The following VAV3 variants were observed in gnomAD, a reference collection of about 807,000 sequenced individuals.
The protein encoded by VAV3 is guanine nucleotide exchange factor VAV3.
A neutral mutation model predicts 131.2 loss-of-function variants in VAV3; 94 were observed. That is an observed-to-expected ratio of 0.72 (90% confidence interval 0.61 to 0.85). The LOEUF (loss-of-function observed/expected upper bound fraction) is 0.85. Ranked by LOEUF, VAV3 falls within the 40% of genes least tolerant of loss-of-function variation. The probability of loss-of-function intolerance (pLI) is 0.00; values close to 1 mark genes in which losing one functional copy is unlikely to be tolerated. For missense variants in VAV3, 939 were observed against 1,002.7 expected (o/e 0.94, Z 0.86); for synonymous variants, 349 against 342.0 (o/e 1.02, Z -0.22).
intron 2 of VAV3, among the ~76,000 whole-genome samples, chr1:107,872,067 G>A (rs1670278315): frequency 6.6e-6 from 1 of 151,828 alleles, no homozygotes; most frequent in African/African-American, 2.4e-5. Context: ...CCTTTTCCCT[G>A]ACCATCCACA....
chr1:107,625,537 G>A (rs920862814), intron 20 of VAV3, among the ~76,000 whole-genome samples: 2 of 152,106 alleles, frequency 1.3e-5, no homozygotes, highest in African/African-American at 4.8e-5. Flanking sequence ...AAAGTGTTGG[G>A]ATTACAGGCA....
At chr1:107,620,482 G>T (rs1423630863) in intron 20 of VAV3, among the ~76,000 whole-genome samples, 1 of 152,062 alleles carries the variant, frequency 6.6e-6, no homozygotes, top group Non-Finnish European at 1.5e-5. Flanking sequence ...TATACACGTA[G>T]CCTAGGTGTG....
At chr1:107,595,563 G>C (rs1439909438) in intron 25 of VAV3, among the ~76,000 whole-genome samples, 2 of 151,870 alleles carry the variant, frequency 1.3e-5, no homozygotes, top group Non-Finnish European at 2.9e-5. Flanking sequence ...CAATTTTTTT[G>C]TTACATGCTC....
chr1:107,854,591 T>C (rs1199265710), intron 2 of VAV3, among the ~76,000 whole-genome samples: 1 of 152,230 alleles, frequency 6.6e-6, no homozygotes, highest in Non-Finnish European at 1.5e-5. Flanking sequence ...CATCTCCTGC[T>C]ACTTCCACTC....
chr1:107,659,741 C>T (rs1372803966), intron 19 of VAV3, among the ~76,000 whole-genome samples: 9 of 152,142 alleles, frequency 5.9e-5, no homozygotes, highest in East Asian at 3.9e-4. Context: ...TAAGGATATG[C>T]TGTTACCCGC....
chr1:107,922,899 C>G (rs1339472523), intron 1 of VAV3, among the ~76,000 whole-genome samples: 1 of 150,932 alleles, frequency 6.6e-6, no homozygotes, highest in Non-Finnish European at 1.5e-5. Context: ...TTGCAGTGAG[C>G]CGAGATCGCG....
At chr1:107,787,230 C>T (rs1386822156) in intron 2 of VAV3, among the ~76,000 whole-genome samples, 2 of 152,206 alleles carry the variant, frequency 1.3e-5, no homozygotes, top group Non-Finnish European at 2.9e-5. Flanking sequence ...CTTCACTACC[C>T]TTTCTATAAG....
chr1:107,574,439 CTCAA>C (rs1305576657), intron 25 of VAV3, among the ~76,000 whole-genome samples: 15 of 151,990 alleles, frequency 9.9e-5, no homozygotes, highest in Admixed American at 2.6e-4. Context: ...TCATAAGAAC[CTCAA>C]TCAAAGTAAG....
intron 25 of VAV3, among the ~76,000 whole-genome samples, chr1:107,586,861 C>T (rs1383072139): frequency 6.6e-6 from 1 of 151,942 alleles, no homozygotes; most frequent in African/African-American, 2.4e-5. Flanking sequence ...GAACTAATCA[C>T]AGTAAATAGC....
chr1:107,820,647 T>TC (rs1667759555), intron 2 of VAV3: 1 of 152,086 alleles, frequency 6.6e-6, no homozygotes, highest in Non-Finnish European at 1.5e-5. Context: ...AAATGATAAA[T>TC]ATTTGAGTCG....
chr1:107,613,002 AGTTTT>A (rs1652870110), intron 21 of VAV3, among the ~76,000 whole-genome samples: 1 of 152,114 alleles, frequency 6.6e-6, no homozygotes, highest in African/African-American at 2.4e-5. Context: ...GCCTTCAGAT[AGTTTT>A]GTTTTGATAT....
chr1:107,923,417 C>T (rs1012792431), intron 1 of VAV3, among the ~76,000 whole-genome samples: 6 of 151,962 alleles, frequency 3.9e-5, no homozygotes, highest in Admixed American at 1.3e-4. Context: ...TTAGGTCATA[C>T]GAACAGAGCC....
intron 2 of VAV3, among the ~76,000 whole-genome samples, chr1:107,804,704 G>T (rs1430909945): frequency 6.6e-6 from 1 of 152,072 alleles, no homozygotes; most frequent in Non-Finnish European, 1.5e-5. Context: ...AAAGTATTCT[G>T]GGGCTGTATC....
chr1:107,664,877 A>G (rs1021271111), intron 19 of VAV3, among the ~76,000 whole-genome samples: 1 of 152,240 alleles, frequency 6.6e-6, no homozygotes, highest in African/African-American at 2.4e-5. Flanking sequence ...TAAATAGAGA[A>G]GTCAAGTCAT....
chr1:107,607,658 T>C (rs1007373878), intron 22 of VAV3, among the ~76,000 whole-genome samples: 3 of 152,240 alleles, frequency 2.0e-5, no homozygotes, highest in Admixed American at 2.0e-4. Context: ...ATCTATCTCT[T>C]GTTCTGCATA....
chr1:107,701,328 C>A (rs1660118357), intron 17 of VAV3, among the ~76,000 whole-genome samples: 2 of 31,960 alleles, frequency 6.3e-5, no homozygotes, highest in Non-Finnish European at 2.1e-4. Context: ...GGGGCTTGCA[C>A]CCTCTGAAGC....
intron 2 of VAV3, among the ~76,000 whole-genome samples, chr1:107,845,671 A>G (rs114887206): frequency 0.018 from 2,763 of 152,196 alleles, 73 homozygotes; most frequent in African/African-American, 0.054. Flanking sequence ...ATCAACAGCC[A>G]AATAGATCAA....
chr1:107,768,820 G>A (rs913169760), intron 6 of VAV3, among the ~76,000 whole-genome samples: 1 of 152,150 alleles, frequency 6.6e-6, no homozygotes, highest in African/African-American at 2.4e-5. Flanking sequence ...CAACATTTTG[G>A]AGATGTATAT....
At chr1:107,744,835 C>T (rs1166352495) in intron 15 of VAV3, among the ~76,000 whole-genome samples, 1 of 152,072 alleles carries the variant, frequency 6.6e-6, no homozygotes, top group Non-Finnish European at 1.5e-5. Context: ...ACTTTAGCAC[C>T]CTTATGGATA....
Sources: allele counts gnomAD v4.1 joint callset (sites outside exome capture counted in the v4.1 genomes callset), GRCh38; gene constraint gnomAD v4.1.1; transcripts MANE v1.5; gene names NCBI Gene and HGNC (gene_info 2026-07-23, HGNC 2026-07-21).